NEBL: variants seen among roughly 807,000 people sequenced by gnomAD.
NEBL encodes the protein LIM and SH3 protein 2.
In NEBL, 122 loss-of-function variants were observed where a neutral mutation model predicts 140.2. The ratio of observed to expected loss-of-function variants is 0.87; its 90% CI spans 0.75 to 1.01. NEBL has a LOEUF of 1.01. Among genes scored for constraint, NEBL ranks in the 50% least tolerant of loss-of-function variants. The pLI, the probability that NEBL is intolerant of heterozygous loss-of-function variation, is 0.00. For missense variants in NEBL, 1,365 were observed against 1,231.3 expected, an observed-to-expected ratio of 1.11 and a Z score of -1.62; for synonymous variants, 436 against 398.9, an observed-to-expected ratio of 1.09 and a Z score of -1.11.
chr10:21,242,311 C>T (rs974461445), intron 3 of NEBL, among the ~76,000 whole-genome samples: 8 of 152,192 alleles, frequency 5.3e-5, no homozygotes, highest in African/African-American at 1.9e-4. Flanking sequence ...AGATCACGTG[C>T]TTTGCAGCAA....
intron 3 of NEBL, among the ~76,000 whole-genome samples, chr10:21,199,621 C>T (rs922668662): frequency 1.3e-5 from 2 of 152,192 alleles, no homozygotes; most frequent in Non-Finnish European, 2.9e-5. Context: ...TGAGAAGGAA[C>T]TGTGCTGTCA....
At position 20,850,483 on chromosome 10, in the gene NEBL, T is replaced by A; in HGVS notation, c.1028A>T (p.Tyr343Phe). Residue 343 changes from tyrosine (Y) to phenylalanine (F), a missense_variant, in exon 11 of 28, where the codon TAT becomes TTT. Physicochemically the swap from Tyr to Phe is conservative, Grantham distance 22. This residue lies in a region of NEBL where 1,323 missense variants were observed against 1,154.8 expected (regional missense o/e 1.15). Transcript: ENST00000377122. Reference protein sequence around the residue: ...LQSQVKYKEEYEKNKGKPMLE... With the variant: ...LQSQVKYKEEFEKNKGKPMLE... ...CATTGGCTTTCCCTTATTTTTCTCA[T>A]ATTCTTCTTTATATTTCACCTTCAT... is the stretch of plus-strand genomic sequence containing the variant. The A allele has an allele frequency of 6.2e-6, 10 of 1,600,578 alleles. No homozygotes were observed. The highest frequency in any genetic ancestry group is 8.6e-6 in the Non-Finnish European group (10 of 1,167,888).
chr10:20,793,416 G>A (rs1310802570), intron 26 of NEBL: 40 of 905,504 alleles, frequency 4.4e-5, no homozygotes, highest in Non-Finnish European at 5.0e-5. Context: ...TGAGGACAGA[G>A]GAAGAATCAG....
intron 1 of NEBL, among the ~76,000 whole-genome samples, chr10:21,285,197 C>T (rs1034038719): frequency 5.9e-5 from 9 of 152,072 alleles, no homozygotes; most frequent in African/African-American, 1.9e-4. Context: ...GTGCCATTAT[C>T]GAGTAGATCA....
intron 3 of NEBL, among the ~76,000 whole-genome samples, chr10:21,232,747 G>A (rs1349088763): frequency 6.6e-6 from 1 of 152,232 alleles, no homozygotes; most frequent in East Asian, 1.9e-4. Flanking sequence ...GGGGGTTGGA[G>A]ACCCCTGCTT....
intron 2 of NEBL, among the ~76,000 whole-genome samples, chr10:20,891,361 T>C (rs1017074986): frequency 2.6e-5 from 4 of 152,264 alleles, no homozygotes; most frequent in African/African-American, 9.6e-5. Flanking sequence ...CAGCCACTAG[T>C]AATTAAACTG....
exon 4 of NEBL, chr10:20,961,693 C>T: frequency 6.8e-6 from 11 of 1,613,002 alleles, no homozygotes; most frequent in Non-Finnish European, 9.3e-6. Context: ...GCTCCTGAGT[C>T]CTCTTCAGTC....
At chr10:21,158,177 G>T (rs940998775) in intron 2 of NEBL, among the ~76,000 whole-genome samples, 2 of 152,158 alleles carry the variant, frequency 1.3e-5, no homozygotes, top group African/African-American at 4.8e-5. Flanking sequence ...AAACCATTCT[G>T]CACTCATCCA....
intron 2 of NEBL, among the ~76,000 whole-genome samples, chr10:20,896,517 T>TATATATATAA (rs1847507134): frequency 1.5e-5 from 2 of 135,466 alleles, no homozygotes; most frequent in African/African-American, 5.5e-5. Context: ...TATATATATA[T>TATATATATAA]GCATTTTCCT....
intron 17 of NEBL, among the ~76,000 whole-genome samples, chr10:20,828,217 T>C (rs991051752): frequency 2.0e-5 from 3 of 152,188 alleles, no homozygotes; most frequent in Non-Finnish European, 4.4e-5. Context: ...TCACTTCATA[T>C]GACTATTTTC....
chr10:21,262,917 C>T (rs774079814), intron 1 of NEBL, among the ~76,000 whole-genome samples: 3 of 152,144 alleles, frequency 2.0e-5, no homozygotes, highest in East Asian at 3.9e-4. Flanking sequence ...ATTATACAAA[C>T]GCAATAACTA....
chr10:21,163,106 A>C (rs906293314), intron 2 of NEBL, among the ~76,000 whole-genome samples: 2 of 152,254 alleles, frequency 1.3e-5, no homozygotes, highest in Non-Finnish European at 2.9e-5. Flanking sequence ...TGAAGGATTC[A>C]AAGCTAGCAG....
intron 3 of NEBL, among the ~76,000 whole-genome samples, chr10:21,247,254 G>A (rs752571767): frequency 2.0e-5 from 3 of 152,216 alleles, no homozygotes; most frequent in South Asian, 2.1e-4. Flanking sequence ...ACTAATATAC[G>A]TACAACGGAA....
chr10:21,242,214 A>AAAAAG (rs71287305), intron 3 of NEBL, among the ~76,000 whole-genome samples: 31,119 of 151,286 alleles, frequency 0.21, 3,804 homozygotes, highest in African/African-American at 0.33. Context: ...CAAAAGGAAA[A>AAAAAG]AAAAGAAAAG....
chr10:21,051,096 T>C (rs939987053), intron 2 of NEBL, among the ~76,000 whole-genome samples: 10 of 152,040 alleles, frequency 6.6e-5, no homozygotes, highest in Non-Finnish European at 1.3e-4. Flanking sequence ...AAAGAAGAAA[T>C]AGAATAAAGC....
intron 19 of NEBL, among the ~76,000 whole-genome samples, chr10:20,821,899 T>A (rs1588689493): frequency 6.6e-6 from 1 of 152,308 alleles, no homozygotes; most frequent in Middle Eastern, 3.4e-3. Flanking sequence ...CATATTTGGT[T>A]TGCTCTGCCA....
chr10:21,286,003 T>C (rs1843050206), intron 1 of NEBL, among the ~76,000 whole-genome samples: 2 of 152,198 alleles, frequency 1.3e-5, no homozygotes, highest in South Asian at 2.1e-4. Flanking sequence ...TCAGACCTTC[T>C]GGCTTTTTAC....
intron 3 of NEBL, among the ~76,000 whole-genome samples, chr10:20,974,190 A>T (rs1162026201): frequency 6.6e-6 from 1 of 151,886 alleles, no homozygotes; most frequent in East Asian, 1.9e-4. Flanking sequence ...CCATCCTATC[A>T]TGCTACAAAA....
At chr10:21,055,750 G>A (rs911022110) in intron 2 of NEBL, among the ~76,000 whole-genome samples, 3 of 152,130 alleles carry the variant, frequency 2.0e-5, no homozygotes, top group African/African-American at 2.4e-5. Context: ...ACCCAACTCC[G>A]TGACAAGCCT....
Sources: gnomAD v4.1 joint callset for allele counts (sites outside exome capture counted in the v4.1 genomes callset) on GRCh38, gnomAD v4.1.1 for gene constraint, gnomAD v4.1.1 regional missense constraint, MANE v1.5 for transcripts, NCBI Gene and HGNC (gene_info 2026-07-23, HGNC 2026-07-21) for gene names.